The following FZD6 variants were observed in gnomAD, a reference collection of about 807,000 sequenced individuals.
The protein encoded by FZD6 is frizzled-6.
FZD6 carries 49 observed loss-of-function variants against 61.4 expected under a neutral mutation model. The ratio of observed to expected loss-of-function variants is 0.80; its 90% CI spans 0.63 to 1.01. FZD6 has a LOEUF of 1.01. Among genes scored for constraint, FZD6 ranks in the 50% least tolerant of loss-of-function variants. The pLI is 0.00. For synonymous variants in FZD6, 265 were observed against 292.2 expected (o/e 0.91, Z 0.95); for missense variants, 724 against 848.2 (o/e 0.85, Z 1.82).
intron 5 of FZD6, among the ~76,000 whole-genome samples, chr8:103,328,857 A>T (rs1283250250): frequency 6.6e-6 from 1 of 151,156 alleles, no homozygotes; most frequent in Non-Finnish European, 1.5e-5. Flanking sequence ...AATATAAGTG[A>T]TGTGTTATGG....
In FZD6 at chr8:103,330,053, G is replaced by A. The variant is rs768811178; in HGVS notation, c.1940G>A (p.Arg647Gln). The part of the protein sequence containing the change: ...GQAGSVSESA[R>Q]SEGRISPKSD... ...GCAGGCAGTGTATCTGAAAGTGCGC[G>A]GAGTGAAGGAAGGTGAGATTTGATT... Residue 647 changes from arginine (R) to glutamine (Q), a missense_variant, in exon 6 of 7, where the codon CGG becomes CAG. By Grantham distance (43) the Arg-to-Gln change is conservative. Coordinates refer to ENST00000358755, the MANE Select transcript of FZD6 (RefSeq NM_003506.4). 2.5e-5 allele frequency: 41 copies of A among 1,613,424 alleles called. No individual in the cohort carries two copies. Among genetic ancestry groups the A allele is most frequent in the African/African-American group, 9.3e-5 (7 of 74,882 alleles).
Position 103,331,672 on chromosome 8 carries a change from T to G in FZD6, c.*163T>G. On this transcript the variant is annotated 3_prime_UTR_variant, in exon 7 of 7. Coordinates refer to ENST00000358755, the MANE Select transcript of FZD6 (RefSeq NM_003506.4). The stretch of plus-strand genomic sequence containing the variant: ...GAGTTCAAGAATAATATGACTCATT[T>G]CACACAAAGGTTAATGACAACAATA... The G allele has an allele frequency of 3.1e-6, 2 of 647,342 alleles. No individual in the cohort carries two copies. The highest frequency in any genetic ancestry group is 2.9e-5 in the East Asian group (1 of 35,052). The allele number at this position is 647,342 out of a possible 1,614,324, so 40.1% of individuals were successfully genotyped here.
chr8:103,318,553 A>G, intron 2 of FZD6, 37 bp from the exon 3 acceptor site: 2 of 1,164,782 alleles, frequency 1.7e-6, no homozygotes, highest in South Asian at 2.4e-5. Flanking sequence ...ATTTGTTATT[A>G]AAATGTTTTC....
At chr8:103,304,074 T>A (rs923251350) in intron 2 of FZD6, among the ~76,000 whole-genome samples, 1 of 152,226 alleles carries the variant, frequency 6.6e-6, no homozygotes, top group African/African-American at 2.4e-5. Flanking sequence ...TCCAACCCGA[T>A]TACCTTTAGT....
intron 2 of FZD6, among the ~76,000 whole-genome samples, chr8:103,314,640 T>C (rs1342168282): frequency 6.6e-6 from 1 of 152,202 alleles, no homozygotes; most frequent in Non-Finnish European, 1.5e-5. Flanking sequence ...ACAGGGGAAC[T>C]TCCCACTGGT....
intron 1 of FZD6, among the ~76,000 whole-genome samples, chr8:103,299,209 C>T (rs1814071277): frequency 6.6e-6 from 1 of 152,228 alleles, no homozygotes; most frequent in Admixed American, 6.5e-5. Flanking sequence ...GCCGCGCAGG[C>T]CAGGAACGCT....
At chr8:103,305,275 AGCAAGT>A (rs1298770751) in intron 2 of FZD6, among the ~76,000 whole-genome samples, 1 of 152,258 alleles carries the variant, frequency 6.6e-6, no homozygotes, top group Non-Finnish European at 1.5e-5. Flanking sequence ...TGTTTGGAGC[AGCAAGT>A]GGTCATTCCC....
At chr8:103,327,990 GA>G (rs1815002506) in intron 4 of FZD6, among the ~76,000 whole-genome samples, 1 of 151,986 alleles carries the variant, frequency 6.6e-6, no homozygotes, top group Non-Finnish European at 1.5e-5. Flanking sequence ...TATCTATCGA[GA>G]AAAAAATGCG....
chr8:103,330,404 A>C (rs987706527), intron 6 of FZD6, among the ~76,000 whole-genome samples: 3 of 152,216 alleles, frequency 2.0e-5, no homozygotes, highest in Admixed American at 6.5e-5. Context: ...ACCTTATACA[A>C]AATTATAATG....
In FZD6 at chr8:103,325,005, G is replaced by A; in HGVS notation, c.899G>A (p.Trp300Ter). 2 of 1,614,052 alleles carry A rather than the reference G, an allele frequency of 1.2e-6. No individual in the cohort carries two copies. Among genetic ancestry groups the A allele is most frequent in the African/African-American group, 1.3e-5 (1 of 75,036 alleles). ...YFFTMAGTVWWVILTITWFLA... is the reference protein window; with the variant it reads ...YFFTMAGTVW ...TTCACAATGGCTGGCACTGTGTGGTGGGTGATTCTTACCATTACTTGGTTC... is the reference window on the plus strand; with the variant it reads ...TTCACAATGGCTGGCACTGTGTGGTAGGTGATTCTTACCATTACTTGGTTC... Residue 300 changes from tryptophan to a stop codon, truncating the protein, a stop_gained, in exon 4 of 7, where the codon TGG (tryptophan) becomes TAG (stop). Transcript: ENST00000358755. LOFTEE classifies it high-confidence loss of function.
intron 1 of FZD6, among the ~76,000 whole-genome samples, chr8:103,299,365 G>T (rs937898855): frequency 6.6e-6 from 1 of 152,230 alleles, no homozygotes; most frequent in Non-Finnish European, 1.5e-5. Flanking sequence ...CTTCCCCCGG[G>T]ACAGATTTGC....
chr8:103,317,799 C>T (rs1219728029), intron 2 of FZD6, among the ~76,000 whole-genome samples: 2 of 145,808 alleles, frequency 1.4e-5, no homozygotes, highest in Non-Finnish European at 3.0e-5. Flanking sequence ...GCACTCCAGC[C>T]TGGGCAACAG....
chr8:103,302,464 C>T (rs1264344448), intron 2 of FZD6, among the ~76,000 whole-genome samples: 1 of 152,048 alleles, frequency 6.6e-6, no homozygotes. Context: ...TGAAATATAG[C>T]TCAGGTAAAG....
At position 103,318,637 on chromosome 8, in the gene FZD6, T is replaced by G; in HGVS notation, c.225T>G (p.Thr75=). 1.2e-6 allele frequency: 2 copies of G among 1,611,972 alleles called. No homozygotes were observed. The highest frequency in any genetic ancestry group is 1.7e-6 in the Non-Finnish European group (2 of 1,178,062). ...TGGAATGTTCACCAAACATTGAAAC[T>G]TTCCTCTGCAAAGCATTTGTACCAA... ...ANLECSPNIE[T]FLCKAFVPTC... The change falls in exon 3 of 7, where the codon ACT becomes ACG. Residue 75 remains threonine, a synonymous_variant. Coordinates refer to ENST00000358755, the MANE Select transcript of FZD6 (RefSeq NM_003506.4).
chr8:103,328,315 C>T lies in FZD6; in HGVS notation c.1440C>T (p.Tyr480=). The change falls in exon 5 of 7, where the codon TAC becomes TAT. Residue 480 remains tyrosine, a synonymous_variant. Transcript: ENST00000358755. ...AATTGGCTTTATTTATGATAAAATA[C>T]CTGATGACATTAATTGTTGGCATCT... The part of the protein sequence containing the change: ...RPELALFMIK[Y]LMTLIVGISA... 6.2e-7 allele frequency: 1 copy of T among 1,609,842 alleles called. No individual in the cohort carries two copies. Among genetic ancestry groups the T allele is most frequent in the Non-Finnish European group, 8.5e-7 (1 of 1,176,276 alleles).
In FZD6 at chr8:103,328,296, C is replaced by T. The variant is rs1432819906; in HGVS notation, c.1421C>T (p.Ala474Val). ...QAKAKARPEL[A>V]LFMIKYLMTL... ...AAAGCAAAAGCTCGACCAGAATTGGCTTTATTTATGATAAAATACCTGATG... is the reference window on the plus strand; with the variant it reads ...AAAGCAAAAGCTCGACCAGAATTGGTTTTATTTATGATAAAATACCTGATG... The change falls in exon 5 of 7, where the codon GCT becomes GTT. Residue 474 changes from alanine to valine, a missense_variant. Transcript: ENST00000358755. The T allele has an allele frequency of 6.2e-7, 1 of 1,612,072 alleles. No homozygotes were observed. Among genetic ancestry groups the T allele is most frequent in the Admixed American group, 1.7e-5 (1 of 60,010 alleles).
chr8:103,305,714 T>C (rs940394028), intron 2 of FZD6, among the ~76,000 whole-genome samples: 15 of 152,256 alleles, frequency 9.9e-5, no homozygotes, highest in Non-Finnish European at 1.8e-4. Context: ...CTGTTGTGTT[T>C]TAAAGGTAGA....
Position 103,308,978 on chromosome 8 carries a change from T to C in FZD6, c.177+8694T>C, listed in dbSNP as rs191938057. ...AGCTTTATGTCTTTGATAAGTTAGA[T>C]TAGTGTGATGTCCTGTGAAGTCGGT... is the stretch of plus-strand genomic sequence containing the variant. On this transcript the variant is annotated intron_variant, in intron 2 of 6. Transcript: ENST00000358755. Among the ~76,000 whole-genome samples, 54 of 152,278 alleles carry C rather than the reference T, an allele frequency of 3.5e-4. 1 individual carries two copies. Among genetic ancestry groups the C allele is most frequent in the African/African-American group, 1.2e-3 (51 of 41,542 alleles).
chr8:103,318,407 T>TA (rs1280186621), intron 2 of FZD6, among the ~76,000 whole-genome samples, 183 bp from the exon 3 acceptor site: 2 of 152,148 alleles, frequency 1.3e-5, no homozygotes, highest in Non-Finnish European at 1.5e-5. Context: ...TCTTGAAAAA[T>TA]ATATGATTGA....
Sources: allele counts gnomAD v4.1 joint callset (sites outside exome capture counted in the v4.1 genomes callset), GRCh38; gene constraint gnomAD v4.1.1; transcripts MANE v1.5; gene names NCBI Gene and HGNC (gene_info 2026-07-23, HGNC 2026-07-21).